Variants in TARBP1 observed in about 807,000 individuals in gnomAD.
TARBP1 encodes tRNA guanosine 2 -O-methyltransferase TARBP1, also known as tRNA (guanosine(18)-2'-O)-methyltransferase TARBP1.
TARBP1 carries 144 observed loss-of-function variants against 178.6 expected under a neutral mutation model. That is an observed-to-expected ratio of 0.81 (90% CI 0.70 to 0.93). TARBP1 has a LOEUF of 0.93. Ranked by LOEUF, TARBP1 falls within the 40% of genes least tolerant of loss-of-function variation. TARBP1 has a pLI of 0.00. For synonymous variants in TARBP1, 787 were observed against 781.0 expected, an observed-to-expected ratio of 1.01 and a Z score of -0.13; for missense variants, 2,067 against 2,011.7, an observed-to-expected ratio of 1.03 and a Z score of -0.53.
In TARBP1 at chr1:234,419,615, T is replaced by C. The variant is rs1373280295; in HGVS notation, c.3555+1087A>G. 2.6e-5 allele frequency among the ~76,000 whole-genome samples: 4 copies of C among 152,142 alleles called. No individual in the cohort carries two copies. In the East Asian group the frequency reaches 5.8e-4, roughly 22 times the overall value. ...TTCCCCACCCTCTCCAACATTACCC[T>C]TCTCTCTAGGAGACCCTCTCCATTC... On this transcript the variant is annotated intron_variant, in intron 21 of 29. Coordinates refer to ENST00000040877, the MANE Select transcript of TARBP1 (RefSeq NM_005646.4).
intron 2 of TARBP1, among the ~76,000 whole-genome samples, chr1:234,471,490 C>T (rs569380926): frequency 5.0e-4 from 76 of 152,266 alleles, no homozygotes; most frequent in African/African-American, 1.8e-3. Flanking sequence ...ACCATTTATA[C>T]AGTGATTATC....
At chr1:234,406,462 G>C (rs1319098646) in intron 23 of TARBP1, 4 of 188,014 alleles carry the variant, frequency 2.1e-5, no homozygotes, top group Non-Finnish European at 3.3e-5. Flanking sequence ...CTTAATTTGT[G>C]CTGAGAAAGT....
chr1:234,440,585 G>A (rs1441991064), intron 12 of TARBP1, among the ~76,000 whole-genome samples: 4 of 152,002 alleles, frequency 2.6e-5, no homozygotes, highest in African/African-American at 9.7e-5. Flanking sequence ...GAATACTACA[G>A]ACAATTCTAC....
At chr1:234,465,740 T>TGAAACTTA in intron 4 of TARBP1, 32 bp from the exon 5 acceptor site, 1 of 1,515,250 alleles carries the variant, frequency 6.6e-7, no homozygotes, top group Non-Finnish European at 8.8e-7. Flanking sequence ...GACACGTAAT[T>TGAAACTTA]GAAACTTAGT....
rs1288130255 is a variant in TARBP1 at position 234,471,209 on chromosome 1, A to G, written c.1078T>C (p.Tyr360His). The G allele has an allele frequency of 6.2e-7, 1 of 1,602,128 alleles. No homozygotes were observed. Among genetic ancestry groups the G allele is most frequent in the Non-Finnish European group, 8.5e-7 (1 of 1,176,726 alleles). The stretch of plus-strand genomic sequence containing the variant: ...TTACCATTTTCCTCTGACACCGCAT[A>G]TTCAAACAGATTGTTTAGCTTTGGT... ...VLPKLNNLFE[Y>H]AVSEENGCWL... Residue 360 changes from tyrosine to histidine, a missense_variant, in exon 3 of 30, where the codon TAT becomes CAT. By Grantham distance (83) the Tyr-to-His change is moderately conservative (BLOSUM62 2). Coordinates refer to ENST00000040877, the MANE Select transcript of TARBP1 (RefSeq NM_005646.4).
chr1:234,474,275 CACACACACACACAA>C (rs1669372440), intron 1 of TARBP1, among the ~76,000 whole-genome samples: 1 of 82,492 alleles, frequency 1.2e-5, no homozygotes, highest in Non-Finnish European at 2.7e-5. Flanking sequence ...CACACACACA[CACACACACACACAA>C]AGGGGACATT....
At chr1:234,471,488 T>C (rs1189613257) in intron 2 of TARBP1, among the ~76,000 whole-genome samples, 2 of 152,264 alleles carry the variant, frequency 1.3e-5, no homozygotes, top group Non-Finnish European at 2.9e-5. Flanking sequence ...CTACCATTTA[T>C]ACAGTGATTA....
Position 234,420,779 on chromosome 1 carries a change from AGT to A in TARBP1, c.3476_3477del (p.Tyr1159LeufsTer23). The A allele has an allele frequency of 6.2e-7, 1 of 1,611,296 alleles. No homozygotes were observed. Among genetic ancestry groups the A allele is most frequent in the Non-Finnish European group, 8.5e-7 (1 of 1,178,674 alleles). The stretch of plus-strand genomic sequence containing the variant: ...ACTCTGTGCTGTAGAGAATTCACAT[AGT>A]AGCGTTTTTTGGACTTGGACACTAA... ...DELVSKSKKR[Y>X]YVNSLQHRVK... On this transcript the variant is annotated frameshift_variant, in exon 21 of 30. Transcript: ENST00000040877. LOFTEE classifies it high-confidence loss of function.
chr1:234,401,016 T>G, intron 25 of TARBP1, 165 bp downstream of exon 25: 1 of 516,476 alleles, frequency 1.9e-6, no homozygotes, highest in East Asian at 3.2e-5. Context: ...AAGCAAGTCA[T>G]CTGCATAAAG....
chr1:234,421,399 A>G (rs1663075018), intron 20 of TARBP1, among the ~76,000 whole-genome samples: 2 of 152,162 alleles, frequency 1.3e-5, no homozygotes, highest in South Asian at 4.1e-4. Context: ...AAGTGTTTTT[A>G]AAATTAGAAG....
Position 234,478,657 on chromosome 1 carries a change from T to A in TARBP1, c.447A>T (p.Pro149=). The A allele has an allele frequency of 7.9e-7, 1 of 1,267,770 alleles. No homozygotes were observed. The highest frequency in any genetic ancestry group is 9.9e-7 in the Non-Finnish European group (1 of 1,007,792). 78.5% of individuals were successfully genotyped at this position (1,267,770 alleles called of 1,614,324 possible). Residue 149 remains proline (P), a synonymous_variant, in exon 1 of 30, where the codon CCA becomes CCT. Coordinates refer to ENST00000040877, the MANE Select transcript of TARBP1 (RefSeq NM_005646.4). ...GCCCGTCCTCGCGGGGCCGCAAACA[T>A]GGCCCGACGGCTGCTAGCACTTCCA... ...AAVEVLAAVG[P]CLRPREDGPL...
chr1:234,410,256 A>G, intron 23 of TARBP1, 189 bp downstream of exon 23: 1 of 450,334 alleles, frequency 2.2e-6, no homozygotes, highest in Non-Finnish European at 4.1e-6. Flanking sequence ...CTCAGTGTGT[A>G]TGCATGTAAA....
intron 9 of TARBP1, among the ~76,000 whole-genome samples, chr1:234,454,033 C>A (rs1375453401): frequency 1.3e-5 from 2 of 152,176 alleles, no homozygotes; most frequent in African/African-American, 4.8e-5. Flanking sequence ...AGAGCTGGCT[C>A]CTTAAAAACA....
intron 27 of TARBP1, 31 bp downstream of exon 27, chr1:234,393,615 A>C (rs985047280): frequency 1.9e-6 from 3 of 1,592,112 alleles, no homozygotes; most frequent in East Asian, 2.2e-5. Context: ...AAAAGCTTTC[A>C]GGCAAAGCTC....
chr1:234,439,013 A>G (rs1001832455), intron 12 of TARBP1, among the ~76,000 whole-genome samples: 2 of 152,274 alleles, frequency 1.3e-5, no homozygotes, highest in African/African-American at 4.8e-5. Context: ...CCAGGATTTT[A>G]TATCCAGAAA....
chr1:234,446,660 T>C (rs1190366859), intron 12 of TARBP1, 143 bp downstream of exon 12: 3 of 318,782 alleles, frequency 9.4e-6, no homozygotes, highest in African/African-American at 2.2e-5. Context: ...AATATATAAT[T>C]ATATAATTTC....
At chr1:234,391,828 T>TTA in intron 29 of TARBP1, 83 bp from the exon 30 acceptor site, 1 of 1,425,798 alleles carries the variant, frequency 7.0e-7, no homozygotes, top group Non-Finnish European at 9.6e-7. Context: ...TTTTGTTTAT[T>TTA]CACTTATTTT....
At chr1:234,459,584 G>T (rs270512) in intron 7 of TARBP1, among the ~76,000 whole-genome samples, 31,445 of 152,086 alleles carry the variant, frequency 0.21, 4,121 homozygotes, top group African/African-American at 0.37. Context: ...GATTGAGGCG[G>T]GTAGGTCACC....
rs1389792290 is a variant in TARBP1, at chr1:234,451,187, A to T, written c.1723-621T>A. On this transcript the variant is annotated intron_variant, in intron 9 of 29. Coordinates refer to ENST00000040877, the MANE Select transcript of TARBP1 (RefSeq NM_005646.4). ...ATCTCTTAGAAGGTTTGCAAATAAA[A>T]GTCACATAATTTCACAACTCATCTT... Among the ~76,000 whole-genome samples the T allele has an allele frequency of 2.0e-5, 3 of 152,222 alleles. No homozygotes were observed. The East Asian group carries it at 5.8e-4, about 29-fold the overall frequency.
Sources: allele counts gnomAD v4.1 joint callset (sites outside exome capture counted in the v4.1 genomes callset), GRCh38; gene constraint gnomAD v4.1.1; transcripts MANE v1.5; gene names NCBI Gene and HGNC (gene_info 2026-07-23, HGNC 2026-07-21).